Variants in KTN1 observed in about 807,000 individuals in gnomAD.
The protein encoded by KTN1 is kinectin 1.
Under a neutral mutation model 222.5 loss-of-function variants are expected in KTN1, and 130 were observed. The ratio of observed to expected loss-of-function variants is 0.58; its 90% CI spans 0.51 to 0.68. The LOEUF (loss-of-function observed/expected upper bound fraction) is 0.68. Ranked by LOEUF, KTN1 falls within the 30% of genes least tolerant of loss-of-function variation. The pLI is 0.00. For synonymous variants in KTN1, 512 were observed against 496.3 expected (o/e 1.03, Z -0.42); for missense variants, 1,508 against 1,500.4 (o/e 1.01, Z -0.08).
chr14:55,662,973 A>G (rs184755518), intron 32 of KTN1: 1 of 456,034 alleles, frequency 2.2e-6, no homozygotes, highest in East Asian at 6.9e-5. Context: ...GAGCCAGGAC[A>G]CTGGAGGCCA....
intron 18 of KTN1, among the ~76,000 whole-genome samples, chr14:55,646,436 C>CTTTCCTTTCCTTTTCCTTTTCCT (rs1566787613): frequency 1.0e-5 from 1 of 96,876 alleles, no homozygotes; most frequent in African/African-American, 4.3e-5. Flanking sequence ...CCTTCCTTTC[C>CTTTCCTTTCCTTTTCCTTTTCCT]TTTCCTTTTC....
chr14:55,638,798 G>C (rs906729057), intron 12 of KTN1, among the ~76,000 whole-genome samples: 3 of 151,720 alleles, frequency 2.0e-5, no homozygotes, highest in Admixed American at 6.6e-5. Flanking sequence ...ACATGAACAT[G>C]GGTATTACTA....
rs183570208 is a variant in KTN1, at chr14:55,587,014, A to G, written c.-31+6660A>G. Among the ~76,000 whole-genome samples, 505 of 152,280 alleles carry G rather than the reference A, an allele frequency of 3.3e-3. 6 individuals are homozygous for G. Among genetic ancestry groups the G allele is most frequent in the African/African-American group, 0.011 (476 of 41,570 alleles). ...TCACAGCCTTATTTTTATTCATTGC[A>G]TTATCAGTCACAACCTGATGTTATA... is the stretch of plus-strand genomic sequence containing the variant. On this transcript the variant is annotated intron_variant, in intron 1 of 43. Transcript: ENST00000395314.
At chr14:55,601,929 G>A (rs1015301867) in intron 1 of KTN1, 1 of 152,056 alleles carries the variant, frequency 6.6e-6, no homozygotes, top group African/African-American at 2.4e-5. Context: ...TAGAGACAGG[G>A]TTTTATCATG....
At chr14:55,589,656 C>CTTTTTTTTTT (rs765755065) in intron 1 of KTN1, among the ~76,000 whole-genome samples, 31 of 102,088 alleles carry the variant, frequency 3.0e-4, no homozygotes, top group Non-Finnish European at 4.9e-4. Flanking sequence ...CATCTGATTT[C>CTTTTTTTTTT]TTTTTTTTTT....
At chr14:55,667,189 TA>T in intron 33 of KTN1, 51 bp from the exon 34 acceptor site, 1 of 1,148,808 alleles carries the variant, frequency 8.7e-7, no homozygotes, top group Non-Finnish European at 1.3e-6. Flanking sequence ...TTTCTTTTTT[TA>T]AAAACATTCT....
intron 5 of KTN1, among the ~76,000 whole-genome samples, chr14:55,621,889 C>G (rs1394656778): frequency 6.8e-6 from 1 of 146,536 alleles, no homozygotes; most frequent in African/African-American, 2.5e-5. Flanking sequence ...TGCTCTGTTG[C>G]CCAGGCTGGA....
At chr14:55,640,821 G>C in intron 15 of KTN1, 112 bp from the exon 16 acceptor site, 3 of 853,098 alleles carry the variant, frequency 3.5e-6, no homozygotes, top group Non-Finnish European at 5.7e-6. Flanking sequence ...CAGTATTGCT[G>C]TAACTTCAAA....
At chr14:55,656,176 C>T in intron 29 of KTN1, 44 bp downstream of exon 29, 1 of 1,299,948 alleles carries the variant, frequency 7.7e-7, no homozygotes, top group Non-Finnish European at 1.1e-6. Context: ...AAATTATTGT[C>T]TTTGCATGCT....
intron 18 of KTN1, among the ~76,000 whole-genome samples, chr14:55,642,654 G>A (rs866455169): frequency 3.3e-5 from 5 of 152,310 alleles, no homozygotes; most frequent in Middle Eastern, 3.4e-3. Flanking sequence ...GCAAATGCAT[G>A]CGTTCTTTCA....
chr14:55,598,985 A>G (rs1253349059), intron 1 of KTN1, among the ~76,000 whole-genome samples: 1 of 151,898 alleles, frequency 6.6e-6, no homozygotes, highest in East Asian at 1.9e-4. Context: ...TATGTCTGTT[A>G]ATTTTTCTTT....
In KTN1 at chr14:55,641,758, C is replaced by G; in HGVS notation, c.2170C>G (p.Gln724Glu). The G allele has an allele frequency of 1.3e-6, 2 of 1,563,570 alleles. No individual in the cohort carries two copies. Among genetic ancestry groups the G allele is most frequent in the Non-Finnish European group, 1.8e-6 (2 of 1,134,966 alleles). Reference sequence around the variant, plus strand: ...GAAGCTACAGACTCTTGTTTCTGAACAGGTAAGGCTTTTCCTAAATTACAA... The same window carrying G: ...GAAGCTACAGACTCTTGTTTCTGAAGAGGTAAGGCTTTTCCTAAATTACAA... Reference protein sequence around the residue: ...VQKLQTLVSEQPNKDVVEQME... With the variant: ...VQKLQTLVSEEPNKDVVEQME... The change falls in exon 18 of 44, where the codon CAG (glutamine) becomes GAG (glutamate). Residue 724 changes from glutamine to glutamate, a missense_variant and splice_region_variant. Gln to Glu is a conservative substitution (Grantham distance 29). Coordinates refer to ENST00000395314, the MANE Select transcript of KTN1 (RefSeq NM_001079521.2).
intron 18 of KTN1, chr14:55,644,569 T>C (rs1350522305): frequency 2.8e-5 from 13 of 472,088 alleles, no homozygotes; most frequent in Non-Finnish European, 4.9e-5. Flanking sequence ...ACTTTTTTTT[T>C]TTTTTTTTTT....
At chr14:55,632,538 G>A (rs985051999) in intron 7 of KTN1, among the ~76,000 whole-genome samples, 1 of 151,980 alleles carries the variant, frequency 6.6e-6, no homozygotes, top group Non-Finnish European at 1.5e-5. Flanking sequence ...TGCAGGGAGA[G>A]GAATGGGAGT....
chr14:55,613,552 G>A (rs1266904774), intron 2 of KTN1, among the ~76,000 whole-genome samples: 2 of 149,266 alleles, frequency 1.3e-5, no homozygotes, highest in Non-Finnish European at 3.0e-5. Context: ...GGAGTGCAGT[G>A]GTGCGATCTT....
chr14:55,612,981 T>C (rs141613797), intron 2 of KTN1, among the ~76,000 whole-genome samples: 2 of 152,172 alleles, frequency 1.3e-5, no homozygotes, highest in African/African-American at 2.4e-5. Context: ...CCTGTAAATA[T>C]CAGCAGTTAC....
Position 55,651,877 on chromosome 14 carries a change from C to G in KTN1, c.2566-13C>G. ...AGGATTATTAATTGATTTTTCTGTC[C>G]TTTGTATTTCAGTTATCTATCACTT... On this transcript the variant is annotated splice_polypyrimidine_tract_variant and intron_variant, in intron 24 of 43. Transcript: ENST00000395314. 3 of 1,531,342 alleles carry G rather than the reference C, an allele frequency of 2.0e-6. No homozygotes were observed. The highest frequency in any genetic ancestry group is 2.7e-6 in the Non-Finnish European group (3 of 1,112,192). The allele number at this position is 1,531,342 out of a possible 1,614,324, so 94.9% of individuals were successfully genotyped here.
At chr14:55,646,952 T>C (rs774179560) in intron 18 of KTN1, 21 bp from the exon 19 acceptor site, 5 of 1,479,302 alleles carry the variant, frequency 3.4e-6, no homozygotes, top group Non-Finnish European at 4.7e-6. Context: ...GTTAAACTTT[T>C]TTTGGTGATT....
rs1209828309 is a variant in KTN1, at chr14:55,580,308, T to C, written c.-77T>C. On this transcript the variant is annotated 5_prime_UTR_variant, in exon 1 of 44. Coordinates refer to ENST00000395314, the MANE Select transcript of KTN1 (RefSeq NM_001079521.2). ...TCGGAGCGGGCGGCCCGGGCTGTAG[T>C]GCCGGCGCCGCCGCGTCTTCCCGGT... 2.0e-5 allele frequency: 3 copies of C among 149,070 alleles called. No homozygotes were observed. The highest frequency in any genetic ancestry group is 3.6e-4 in the South Asian group (2 of 5,496). 9.2% of individuals were successfully genotyped at this position (149,070 alleles called of 1,614,324 possible).
Sources: gnomAD v4.1 joint callset for allele counts (sites outside exome capture counted in the v4.1 genomes callset) on GRCh38, gnomAD v4.1.1 for gene constraint, MANE v1.5 for transcripts, NCBI Gene and HGNC (gene_info 2026-07-23, HGNC 2026-07-21) for gene names.